The following CRIP3 variants were observed in gnomAD, a reference collection of about 807,000 sequenced individuals.
CRIP3 encodes cysteine rich protein 3, also known as cysteine-rich protein 3.
CRIP3 carries 23 observed loss-of-function variants against 30.3 expected under a neutral mutation model. The observed-to-expected ratio is 0.76, with a 90% CI of 0.55 to 1.08. The LOEUF (loss-of-function observed/expected upper bound fraction) is 1.08, where lower values mean the gene tolerates loss of function less well. CRIP3 is among the 50% of genes least tolerant of loss of function. CRIP3 has a pLI of 0.00. For missense variants in CRIP3, 261 were observed against 259.3 expected (o/e 1.01, Z -0.04); for synonymous variants, 89 against 97.6 (o/e 0.91, Z 0.52).
rs1332691756 is a variant in CRIP3 at position 43,305,819 on chromosome 6, T to G, written c.610A>C (p.Lys204Gln). Residue 204 changes from lysine (K) to glutamine (Q), a missense_variant, in exon 8 of 8, where the codon AAA (lysine) becomes CAA (glutamine). Coordinates refer to ENST00000372569, the MANE Select transcript of CRIP3 (RefSeq NM_206922.3). ...YIYDPVKIKF[K>Q] ...TGACCTTTTTTGTGAGCGTCTCATT[T>G]GAATTTTATCTTCACTGGGTCATAG... The G allele has an allele frequency of 6.2e-7, 1 of 1,614,096 alleles. No homozygotes were observed.
chr6:43,306,391 TC>T, intron 5 of CRIP3, 54 bp downstream of exon 5: 3 of 1,595,118 alleles, frequency 1.9e-6, no homozygotes, highest in Non-Finnish European at 2.6e-6. Flanking sequence ...ATCACCTCCC[TC>T]CCCCTTGCTG....
In CRIP3 at chr6:43,307,700, G is replaced by T. The variant is rs576850505; in HGVS notation, c.240C>A (p.Pro80=). The T allele has an allele frequency of 3.2e-6, 5 of 1,552,804 alleles. No homozygotes were observed. Among genetic ancestry groups the T allele is most frequent in the East Asian group, 2.3e-5 (1 of 42,892 alleles). Residue 80 remains proline, a synonymous_variant, in exon 4 of 8, where the codon CCC becomes CCA. Coordinates refer to ENST00000372569, the MANE Select transcript of CRIP3 (RefSeq NM_206922.3). Reference sequence around the variant, plus strand: ...GAGTGGTGCAGCCAGGGCTGGGAGTGGGGGGATTGTACAAGTAGGAGCCTA... The same window carrying T: ...GAGTGGTGCAGCCAGGGCTGGGAGTTGGGGGATTGTACAAGTAGGAGCCTA... The part of the protein sequence containing the change: ...GGVGSYLYNP[P]TPSPGCTTPL...
intron 4 of CRIP3, chr6:43,306,934 G>A (rs2150740074): frequency 5.7e-6 from 1 of 176,244 alleles, no homozygotes; most frequent in South Asian, 1.3e-4. Flanking sequence ...AAGAATATGA[G>A]AGGCTGGCCT....
At chr6:43,308,641 A>C (rs1778996621) in intron 1 of CRIP3, 109 bp downstream of exon 1, 4 of 1,352,710 alleles carry the variant, frequency 3.0e-6, no homozygotes, top group African/African-American at 1.4e-5. Flanking sequence ...CAGCCGCTGC[A>C]GGTGAAAAGG....
In CRIP3 at chr6:43,307,678, T is replaced by C; in HGVS notation, c.262A>G (p.Thr88Ala). The C allele has an allele frequency of 6.6e-7, 1 of 1,505,438 alleles. No homozygotes were observed. The highest frequency in any genetic ancestry group is 2.2e-5 in the Admixed American group (1 of 45,636). The allele number at this position is 1,505,438 out of a possible 1,614,324, so 93.3% of individuals were successfully genotyped here. A position where few individuals can be genotyped will look rare whatever the true frequency, so the allele number is the denominator to read the frequency against. ...CTGAAGCTGCTGGGGCTGAGAGGAG[T>C]GGTGCAGCCAGGGCTGGGAGTGGGG... ...NPPTPSPGCT[T>A]PLSPSSFSPP... The change falls in exon 4 of 8, where the codon ACT (threonine) becomes GCT (alanine). Residue 88 changes from threonine (T) to alanine (A), a missense_variant. Physicochemically the swap from Thr to Ala is moderately conservative, Grantham distance 58 (BLOSUM62 0). Transcript: ENST00000372569.
chr6:43,308,294 T>C, intron 2 of CRIP3, 21 bp downstream of exon 2: 1 of 1,589,008 alleles, frequency 6.3e-7, no homozygotes, highest in Non-Finnish European at 8.6e-7. Context: ...AACAGGGCAG[T>C]GCTCCCTGGC....
chr6:43,308,034 T>C lies in CRIP3; in HGVS notation c.139-138A>G, dbSNP rs944666263. On this transcript the variant is annotated intron_variant, in intron 2 of 7. Coordinates refer to ENST00000372569, the MANE Select transcript of CRIP3 (RefSeq NM_206922.3). ...GGCCTGGGAGGGGTGGGGGATGGGC[T>C]GGCATGCCAGCATTTCCACTGTGGT... The C allele has an allele frequency of 4.3e-6, 4 of 928,524 alleles. No individual in the cohort carries two copies. In the East Asian group the frequency reaches 1.1e-4, roughly 25 times the overall value. 57.5% of individuals were successfully genotyped at this position (928,524 alleles called of 1,614,324 possible). A position where few individuals can be genotyped will look rare whatever the true frequency, so the allele number is the denominator to read the frequency against.
Position 43,306,067 on chromosome 6 carries a change from C to T in CRIP3, c.553G>A (p.Gly185Ser). ...CAGTGTCTGGGATGGGGCTGCCCAC[C>T]TTTGGGGCCAAACAGGTAGCCGTAG... Reference protein sequence around the residue: ...PCYGYLFGPKGVNIGDVGCYI... With the variant: ...PCYGYLFGPKSVNIGDVGCYI... Residue 185 changes from glycine (G) to serine (S), a missense_variant and splice_region_variant, in exon 7 of 8, where the codon GGT becomes AGT. Gly to Ser is a moderately conservative substitution (Grantham distance 56, BLOSUM62 0). Transcript: ENST00000372569. The T allele has an allele frequency of 6.2e-7, 1 of 1,613,184 alleles. No individual in the cohort carries two copies. The highest frequency in any genetic ancestry group is 8.5e-7 in the Non-Finnish European group (1 of 1,179,534).
chr6:43,308,019 G>C, intron 2 of CRIP3, 123 bp from the exon 3 acceptor site: 1 of 1,096,266 alleles, frequency 9.1e-7, no homozygotes, highest in Non-Finnish European at 1.3e-6. Flanking sequence ...GGCCTGGGAG[G>C]GGTGGGGGAT....
In CRIP3 at chr6:43,308,335, A is replaced by T; in HGVS notation, c.118T>A (p.Ser40Thr). ...LKCERCHSIL[S>T]PGGHAEHNGR... ...CTTACCTCTGCATGCCCGCCAGGGG[A>T]CAGGATGCTGTGGCAGCGCTCACAT... Residue 40 changes from serine to threonine, a missense_variant, in exon 2 of 8, where the codon TCC becomes ACC. Transcript: ENST00000372569. 1 of 1,612,526 alleles carries T rather than the reference A, an allele frequency of 6.2e-7. No homozygotes were observed. The highest frequency in any genetic ancestry group is 1.1e-5 in the South Asian group (1 of 90,818).
chr6:43,306,500 T>C lies in CRIP3; in HGVS notation c.346A>G (p.Thr116Ala). ...QGKKSPPHMK[T>A]FTGETSLCPG... ...CACAGCGAGGTCTCCCCAGTGAATG[T>C]CTTCATATGGGGAGGGCCTTTAAAG... The change falls in exon 5 of 8, where the codon ACA becomes GCA. Residue 116 changes from threonine to alanine, a missense_variant. Physicochemically the swap from Thr to Ala is moderately conservative, Grantham distance 58. Transcript: ENST00000372569. 1 of 1,609,912 alleles carries C rather than the reference T, an allele frequency of 6.2e-7. No homozygotes were observed. The highest frequency in any genetic ancestry group is 8.5e-7 in the Non-Finnish European group (1 of 1,177,938).
At chr6:43,306,573 T>A in intron 4 of CRIP3, 56 bp from the exon 5 acceptor site, 1 of 1,356,470 alleles carries the variant, frequency 7.4e-7, no homozygotes, top group Non-Finnish European at 1.0e-6. Flanking sequence ...CACCAGCACC[T>A]GCCTGCATAT....
At chr6:43,306,414 TC>T in intron 5 of CRIP3, 31 bp downstream of exon 5, 1 of 1,593,866 alleles carries the variant, frequency 6.3e-7, no homozygotes, top group Non-Finnish European at 8.6e-7. Context: ...CCACCCTGTA[TC>T]CCCCTCCCCA....
rs1426589131 is a variant in CRIP3, at chr6:43,305,681, T to C, written c.*133A>G. On this transcript the variant is annotated 3_prime_UTR_variant, in exon 8 of 8. Transcript: ENST00000372569. ...AAAGTCTAGACTCTCTGGCCTACCA[T>C]GGAGCCTAGGCCCAGGCCCCCAAGA... The C allele has an allele frequency of 1.8e-6, 2 of 1,121,268 alleles. No homozygotes were observed. Among genetic ancestry groups the C allele is most frequent in the Non-Finnish European group, 2.7e-6 (2 of 748,388 alleles). The allele number at this position is 1,121,268 out of a possible 1,614,324, so 69.5% of individuals were successfully genotyped here. A position where few individuals can be genotyped will look rare whatever the true frequency, so the allele number is the denominator to read the frequency against.
At position 43,305,634 on chromosome 6, in the gene CRIP3, G is replaced by T; in HGVS notation, c.*180C>A. ...CTGTTCCCTAACCAGATAGAAATGG[G>T]AAAGGGAAAAAATTGGCAGAGAAAG... On this transcript the variant is annotated 3_prime_UTR_variant, in exon 8 of 8. Transcript: ENST00000372569. The T allele has an allele frequency of 1.3e-6, 1 of 760,026 alleles. No individual in the cohort carries two copies. Among genetic ancestry groups the T allele is most frequent in the South Asian group, 1.6e-5 (1 of 61,986 alleles). 47.1% of individuals were successfully genotyped at this position (760,026 alleles called of 1,614,324 possible).
rs1562118667 is a variant in CRIP3 at position 43,306,054 on chromosome 6, T to C, written c.553+13A>G. On this transcript the variant is annotated intron_variant, in intron 7 of 7. Coordinates refer to ENST00000372569, the MANE Select transcript of CRIP3 (RefSeq NM_206922.3). ...GTACATGCCATCCCAGTGTCTGGGATGGGGCTGCCCACCTTTGGGGCCAAA... is the reference window on the plus strand; with the variant it reads ...GTACATGCCATCCCAGTGTCTGGGACGGGGCTGCCCACCTTTGGGGCCAAA... The C allele has an allele frequency of 1.2e-6, 2 of 1,611,916 alleles. No homozygotes were observed. Among genetic ancestry groups the C allele is most frequent in the Admixed American group, 1.7e-5 (1 of 59,834 alleles).
In CRIP3 at chr6:43,307,686, C is replaced by G; in HGVS notation, c.254G>C (p.Gly85Ala). ...GCTGGGGCTGAGAGGAGTGGTGCAG[C>G]CAGGGCTGGGAGTGGGGGGATTGTA... is the stretch of plus-strand genomic sequence containing the variant. ...YLYNPPTPSP[G>A]CTTPLSPSSF... Residue 85 changes from glycine to alanine, a missense_variant, in exon 4 of 8, where the codon GGC becomes GCC. Physicochemically the swap from Gly to Ala is moderately conservative, Grantham distance 60. Transcript: ENST00000372569. The G allele has an allele frequency of 6.5e-7, 1 of 1,529,420 alleles. No individual in the cohort carries two copies. The highest frequency in any genetic ancestry group is 8.8e-7 in the Non-Finnish European group (1 of 1,134,434). The allele number at this position is 1,529,420 out of a possible 1,614,324, so 94.7% of individuals were successfully genotyped here.
chr6:43,306,217 A>T lies in CRIP3; in HGVS notation c.495+2T>A. On this transcript the variant is annotated splice_donor_variant, in intron 6 of 7. Transcript: ENST00000372569. LOFTEE classifies it high-confidence loss of function. ...ATAACCACTCATTCCTGCCCTGCTC[A>T]CCTCAGCATGACTCCCAGCAGTCAG... is the stretch of plus-strand genomic sequence containing the variant. 6.2e-7 allele frequency: 1 copy of T among 1,613,978 alleles called. No individual in the cohort carries two copies. The highest frequency in any genetic ancestry group is 1.7e-5 in the Admixed American group (1 of 60,014).
chr6:43,306,151 T>A (rs563318442), intron 6 of CRIP3, 27 bp from the exon 7 acceptor site: 2 of 1,614,020 alleles, frequency 1.2e-6, no homozygotes, highest in African/African-American at 2.7e-5. Context: ...AAGAGAGCTG[T>A]CTCAGCCTGG....
Sources: gnomAD v4.1 joint callset for allele counts on GRCh38, gnomAD v4.1.1 for gene constraint, MANE v1.5 for transcripts, NCBI Gene and HGNC (gene_info 2026-07-23, HGNC 2026-07-21) for gene names.